CCDC112: variants seen among roughly 807,000 people sequenced by gnomAD.
CCDC112 encodes the protein coiled-coil domain containing 112.
A neutral mutation model predicts 66.3 loss-of-function variants in CCDC112; 40 were observed. That is an observed-to-expected ratio of 0.60 (90% confidence interval 0.47 to 0.79). The LOEUF is 0.79. Among genes scored for constraint, CCDC112 ranks in the 30% least tolerant of loss-of-function variants. The pLI is 0.00. For synonymous variants in CCDC112, 214 were observed against 197.2 expected, an observed-to-expected ratio of 1.09 and a Z score of -0.71; for missense variants, 659 against 603.8, an observed-to-expected ratio of 1.09 and a Z score of -0.96.
chr5:115,294,849 G>A (rs1750080964), intron 1 of CCDC112, among the ~76,000 whole-genome samples: 1 of 152,162 alleles, frequency 6.6e-6, no homozygotes, highest in Non-Finnish European at 1.5e-5. Context: ...AATATAGCAT[G>A]CAGTAATGCT....
At chr5:115,295,279 G>T (rs1750101009) in intron 1 of CCDC112, among the ~76,000 whole-genome samples, 1 of 152,194 alleles carries the variant, frequency 6.6e-6, no homozygotes, top group Admixed American at 6.5e-5. Flanking sequence ...TCAGAAGACA[G>T]AACATTGCTA....
intron 2 of CCDC112, 67 bp from the exon 3 acceptor site, chr5:115,279,835 G>GGATTAAT: frequency 4.7e-6 from 4 of 851,088 alleles, no homozygotes; most frequent in Non-Finnish European, 7.2e-6. Flanking sequence ...AAAATATGAA[G>GGATTAAT]ACACTCAATA....
chr5:115,285,506 C>T (rs912072825), intron 1 of CCDC112, among the ~76,000 whole-genome samples: 11 of 151,962 alleles, frequency 7.2e-5, no homozygotes, highest in African/African-American at 2.7e-4. Flanking sequence ...GCAAAGGGAT[C>T]CACATGTGCA....
intron 8 of CCDC112, 82 bp downstream of exon 8, chr5:115,269,621 A>C: frequency 1.1e-6 from 1 of 934,098 alleles, no homozygotes; most frequent in Non-Finnish European, 1.6e-6. Flanking sequence ...GTGAGATATA[A>C]AGGAAATAGA....
At position 115,284,889 on chromosome 5, in the gene CCDC112, G is replaced by A; in HGVS notation, c.137C>T (p.Thr46Ile). 6.2e-7 allele frequency: 1 copy of A among 1,612,464 alleles called. No homozygotes were observed. The highest frequency in any genetic ancestry group is 1.7e-5 in the Admixed American group (1 of 59,982). ...APQQSDGCFS[T>I]SGGIRPFHLQ... ...ATGAAAAGGACGAATTCCACCTGAA[G>A]TACTAAAACAGCCATCACTCTGCAT... is the stretch of plus-strand genomic sequence containing the variant. Residue 46 changes from threonine (T) to isoleucine (I), a missense_variant, in exon 2 of 10, where the codon ACT becomes ATT. Physicochemically the swap from Thr to Ile is moderately conservative, Grantham distance 89. Transcript: ENST00000379611.
At chr5:115,296,101 C>A in intron 1 of CCDC112, 1 of 1,054,962 alleles carries the variant, frequency 9.5e-7, no homozygotes, top group Non-Finnish European at 1.1e-6. Flanking sequence ...AACGTTAGTC[C>A]AAAGCTCGGG....
At chr5:115,285,573 T>G (rs57979677) in intron 1 of CCDC112, among the ~76,000 whole-genome samples, 1,952 of 152,112 alleles carry the variant, frequency 0.013, 45 homozygotes, top group African/African-American at 0.044. Flanking sequence ...GCCAATTGTG[T>G]CATGAGATTA....
At chr5:115,291,905 T>C (rs1749946947) in intron 1 of CCDC112, among the ~76,000 whole-genome samples, 1 of 152,192 alleles carries the variant, frequency 6.6e-6, no homozygotes, top group African/African-American at 2.4e-5. Flanking sequence ...ATGAACTGTT[T>C]CTTTCTTGGT....
intron 8 of CCDC112, 60 bp downstream of exon 8, chr5:115,269,643 T>C (rs1283889626): frequency 8.7e-7 from 1 of 1,145,116 alleles, no homozygotes; most frequent in African/African-American, 1.6e-5. Flanking sequence ...TTGATGTCAG[T>C]ATCCTTACAA....
Position 115,271,425 on chromosome 5 carries a change from CACATTTCATTG to C in CCDC112, c.1109_1119del (p.Ser370CysfsTer23). On this transcript the variant is annotated frameshift_variant, in exon 7 of 10. Coordinates refer to ENST00000379611, the MANE Select transcript of CCDC112 (RefSeq NM_001040440.3). LOFTEE classifies it high-confidence loss of function. ...TCTTCTTCTTCTTTTAACTGGGAAGCACATTTCATTGACATTTCTATACTTTTCTGTTTCTT... is the reference window on the plus strand; with the variant it reads ...TCTTCTTCTTCTTTTAACTGGGAAGCACATTTCTATACTTTTCTGTTTCTT... 1 of 1,609,888 alleles carries C rather than the reference CACATTTCATTG, an allele frequency of 6.2e-7. No homozygotes were observed. The highest frequency in any genetic ancestry group is 8.5e-7 in the Non-Finnish European group (1 of 1,179,190).
In CCDC112 at chr5:115,268,936, C is replaced by T. The variant is rs761662871; in HGVS notation, c.1493G>A (p.Arg498Gln). ...GCCTGTTGGTCCTATCTTTTTGGTT[C>T]GTTCTTCCCAACCTTTGGTGGGTTT... Reference protein sequence around the residue: ...LYKPTKGWEERTKKIGPTGSG... With the variant: ...LYKPTKGWEEQTKKIGPTGSG... Residue 498 changes from arginine to glutamine, a missense_variant, in exon 9 of 10, where the codon CGA becomes CAA. Physicochemically the swap from Arg to Gln is conservative, Grantham distance 43 (BLOSUM62 1). Coordinates refer to ENST00000379611, the MANE Select transcript of CCDC112 (RefSeq NM_001040440.3). The T allele has an allele frequency of 9.3e-6, 15 of 1,606,872 alleles. No homozygotes were observed. The East Asian group carries it at 1.4e-4, about 15-fold the overall frequency.
Position 115,267,378 on chromosome 5 carries a change from T to C in CCDC112, c.*498A>G, listed in dbSNP as rs1236552257. On this transcript the variant is annotated 3_prime_UTR_variant, in exon 10 of 10. Coordinates refer to ENST00000379611, the MANE Select transcript of CCDC112 (RefSeq NM_001040440.3). ...GCTTCAAACAAATACAAAATATTTATTACACAAAAATGTCATAACTGACAA... is the reference window on the plus strand; with the variant it reads ...GCTTCAAACAAATACAAAATATTTACTACACAAAAATGTCATAACTGACAA... 6.4e-6 allele frequency: 1 copy of C among 155,330 alleles called. No homozygotes were observed. The highest frequency in any genetic ancestry group is 1.4e-5 in the Non-Finnish European group (1 of 70,472). 9.6% of individuals were successfully genotyped at this position (155,330 alleles called of 1,614,324 possible). A position where few individuals can be genotyped will look rare whatever the true frequency, so the allele number is the denominator to read the frequency against.
intron 2 of CCDC112, among the ~76,000 whole-genome samples, chr5:115,284,177 C>T (rs1401929612): frequency 1.3e-5 from 2 of 151,866 alleles, no homozygotes; most frequent in East Asian, 3.9e-4. Flanking sequence ...ATCACACCCA[C>T]ATATTCAAAT....
intron 6 of CCDC112, 121 bp downstream of exon 6, chr5:115,275,095 G>T (rs1156426848): frequency 1.3e-6 from 1 of 750,082 alleles, no homozygotes; most frequent in Non-Finnish European, 2.1e-6. Flanking sequence ...GATTGTCGGG[G>T]GCGGGGAACT....
chr5:115,277,126 A>G, intron 3 of CCDC112, 72 bp from the exon 4 acceptor site: 1 of 828,160 alleles, frequency 1.2e-6, no homozygotes, highest in Admixed American at 2.0e-5. Context: ...ATCTACATGT[A>G]AGACTGATCA....
intron 3 of CCDC112, 45 bp from the exon 4 acceptor site, chr5:115,277,099 G>T (rs1288905451): frequency 8.5e-7 from 1 of 1,173,594 alleles, no homozygotes; most frequent in African/African-American, 1.5e-5. Context: ...TGTGACAAAT[G>T]TGGTTACAAT....
chr5:115,290,870 GT>G (rs1749892552), intron 1 of CCDC112, among the ~76,000 whole-genome samples: 1 of 151,958 alleles, frequency 6.6e-6, no homozygotes, highest in Non-Finnish European at 1.5e-5. Flanking sequence ...TAGTTTTCTA[GT>G]AAGTTTTTTT....
chr5:115,277,301 CT>C (rs1038552896), intron 3 of CCDC112: 9 of 272,456 alleles, frequency 3.3e-5, no homozygotes, highest in South Asian at 1.4e-4. Context: ...AAGGAAATGT[CT>C]TTTTTTCCCC....
intron 1 of CCDC112, among the ~76,000 whole-genome samples, chr5:115,287,784 C>G (rs1313383657): frequency 7.1e-6 from 1 of 141,776 alleles, no homozygotes; most frequent in Non-Finnish European, 1.5e-5. Context: ...ATGATCCTCT[C>G]ATCTCAGCCT....
Sources: allele counts gnomAD v4.1 joint callset (sites outside exome capture counted in the v4.1 genomes callset), GRCh38; gene constraint gnomAD v4.1.1; transcripts MANE v1.5; gene names NCBI Gene and HGNC (gene_info 2026-07-23, HGNC 2026-07-21).